CCT6A: variants seen among roughly 807,000 people sequenced by gnomAD.
CCT6A encodes the protein T-complex protein 1 subunit zeta.
Under a neutral mutation model 58.6 loss-of-function variants are expected in CCT6A, and 6 were observed. The ratio of observed to expected loss-of-function variants is 0.10; its 90% CI spans 0.06 to 0.20. CCT6A has a LOEUF of 0.20. Ranked by LOEUF, CCT6A falls within the 10% of genes least tolerant of loss-of-function variation. The pLI is 1.00. For synonymous variants in CCT6A, 245 were observed against 227.8 expected, an observed-to-expected ratio of 1.08 and a Z score of -0.68; for missense variants, 516 against 648.8, an observed-to-expected ratio of 0.80 and a Z score of 2.22.
intron 2 of CCT6A, 45 bp from the exon 3 acceptor site, chr7:56,054,324 C>G: frequency 6.5e-7 from 1 of 1,533,102 alleles, no homozygotes. Context: ...TATATTTAGA[C>G]TGCTTCATAT....
At chr7:56,052,983 A>G (rs1318298151) in intron 2 of CCT6A, among the ~76,000 whole-genome samples, 1 of 152,052 alleles carries the variant, frequency 6.6e-6, no homozygotes, top group Non-Finnish European at 1.5e-5. Context: ...TAGTAGAGAC[A>G]GGATTTCACC....
intron 13 of CCT6A, 92 bp from the exon 14 acceptor site, chr7:56,062,921 A>T: frequency 8.6e-7 from 1 of 1,159,058 alleles, no homozygotes; most frequent in East Asian, 2.3e-5. Flanking sequence ...ATTTAATTGG[A>T]TGTAATGTGT....
At position 56,061,806 on chromosome 7, in the gene CCT6A, A is replaced by G; in HGVS notation, c.1407A>G (p.Glu469=). ...LQETLVKIQA[E]HSESGQLVGV... is the part of the protein sequence containing the mutation. ...AAACATTAGTTAAAATTCAAGCAGAACATTCAGAATCAGGTCAGCTTGTGG... is the reference window on the plus strand; with the variant it reads ...AAACATTAGTTAAAATTCAAGCAGAGCATTCAGAATCAGGTCAGCTTGTGG... The change falls in exon 12 of 14, where the codon GAA becomes GAG. Residue 469 remains glutamate (E), a synonymous_variant. Transcript: ENST00000275603. 1 of 1,608,904 alleles carries G rather than the reference A, an allele frequency of 6.2e-7. No individual in the cohort carries two copies. The highest frequency in any genetic ancestry group is 8.5e-7 in the Non-Finnish European group (1 of 1,177,926).
chr7:56,054,326 G>A, intron 2 of CCT6A, 43 bp from the exon 3 acceptor site: 2 of 1,545,038 alleles, frequency 1.3e-6, no homozygotes, highest in Non-Finnish European at 8.9e-7. Context: ...TATTTAGACT[G>A]CTTCATATTG....
chr7:56,056,022 A>G (rs1488415656), intron 4 of CCT6A, among the ~76,000 whole-genome samples: 1 of 152,224 alleles, frequency 6.6e-6, no homozygotes, highest in Non-Finnish European at 1.5e-5. Context: ...AAAGGTTTAT[A>G]AAGTGGAGAT....
rs1156469312 is a variant in CCT6A at position 56,054,387 on chromosome 7, G to C, written c.220G>C (p.Ala74Pro). The change falls in exon 3 of 14, where the codon GCT (alanine) becomes CCT (proline). Residue 74 changes from alanine (A) to proline (P), a missense_variant. Around this residue, in one of 3 missense-constraint regions of CCT6A, gnomAD observed 116 missense variants for 184.5 expected, o/e 0.63. Coordinates refer to ENST00000275603, the MANE Select transcript of CCT6A (RefSeq NM_001762.4). ...CTTACAGCAAATTCAACACCCAACA[G>C]CTTCCTTAATAGCAAAGGTAGCAAC... Reference protein sequence around the residue: ...LHEMQIQHPTASLIAKVATAQ... With the variant: ...LHEMQIQHPTPSLIAKVATAQ... 1 of 1,607,632 alleles carries C rather than the reference G, an allele frequency of 6.2e-7. No homozygotes were observed. The highest frequency in any genetic ancestry group is 8.5e-7 in the Non-Finnish European group (1 of 1,175,836).
Position 56,058,091 on chromosome 7 carries a change from A to G in CCT6A, c.713A>G (p.Glu238Gly), listed in dbSNP as rs750045709. Reference sequence around the variant, plus strand: ...ATCCTCACTTGTAACGTGTCATTAGAGTATGAGAAAACGTAAGTTTATAGC... The same window carrying G: ...ATCCTCACTTGTAACGTGTCATTAGGGTATGAGAAAACGTAAGTTTATAGC... ...AYILTCNVSL[E>G]YEKTEVNSGF... The change falls in exon 6 of 14, where the codon GAG (glutamate) becomes GGG (glycine). Residue 238 changes from glutamate (E) to glycine (G), a missense_variant. Transcript: ENST00000275603. 6.3e-7 allele frequency: 1 copy of G among 1,579,160 alleles called. No individual in the cohort carries two copies. Among genetic ancestry groups the G allele is most frequent in the Non-Finnish European group, 8.7e-7 (1 of 1,148,436 alleles).
chr7:56,059,282 T>C (rs1794381233), intron 8 of CCT6A, among the ~76,000 whole-genome samples: 1 of 152,168 alleles, frequency 6.6e-6, no homozygotes, highest in South Asian at 2.1e-4. Context: ...ATTACAGGTG[T>C]GAGCCACCAT....
At position 56,053,073 on chromosome 7, in the gene CCT6A, G is replaced by GC. The variant is rs571688019; in HGVS notation, c.201+591dup. 1.9e-3 allele frequency among the ~76,000 whole-genome samples: 296 copies of GC among 152,222 alleles called. 1 individual carries two copies. The highest frequency in any genetic ancestry group is 6.2e-3 in the African/African-American group (256 of 41,548). The stretch of plus-strand genomic sequence containing the variant: ...CCTCCCAAAGTGCTGGGATTACCAG[G>GC]CCCGTGCCCAGCTGGGTTTTCTCTT... On this transcript the variant is annotated intron_variant, in intron 2 of 13. Coordinates refer to ENST00000275603, the MANE Select transcript of CCT6A (RefSeq NM_001762.4).
Position 56,063,399 on chromosome 7 carries a change from A to T in CCT6A, c.*314A>T. ...CCTTGTTATTAAATATTTCTTGAAA[A>T]GCAAATTTTAATGGTTTAATTTTAT... is the stretch of plus-strand genomic sequence containing the variant. On this transcript the variant is annotated 3_prime_UTR_variant, in exon 14 of 14. Coordinates refer to ENST00000275603, the MANE Select transcript of CCT6A (RefSeq NM_001762.4). 6.8e-6 allele frequency: 2 copies of T among 292,312 alleles called. No homozygotes were observed. The highest frequency in any genetic ancestry group is 1.3e-5 in the Non-Finnish European group (2 of 155,524). The allele number at this position is 292,312 out of a possible 1,614,324, so 18.1% of individuals were successfully genotyped here. A position where few individuals can be genotyped will look rare whatever the true frequency, so the allele number is the denominator to read the frequency against.
At position 56,058,342 on chromosome 7, in the gene CCT6A, ACT is replaced by A; in HGVS notation, c.726-19_726-18del. 1.3e-6 allele frequency: 2 copies of A among 1,524,072 alleles called. No individual in the cohort carries two copies. The highest frequency in any genetic ancestry group is 4.5e-5 in the East Asian group (2 of 44,374). The allele number at this position is 1,524,072 out of a possible 1,614,324, so 94.4% of individuals were successfully genotyped here. On this transcript the variant is annotated intron_variant, in intron 6 of 13. Coordinates refer to ENST00000275603, the MANE Select transcript of CCT6A (RefSeq NM_001762.4). ...TCTTAATGTTTCCCTGCTTTCTGTA[ACT>A]TTTTTTTTTCTTAATAGAGAAGTGA...
In CCT6A at chr7:56,051,928, C is replaced by G; in HGVS notation, c.80C>G (p.Ala27Gly). 6.5e-7 allele frequency: 1 copy of G among 1,549,036 alleles called. No individual in the cohort carries two copies. The highest frequency in any genetic ancestry group is 8.7e-7 in the Non-Finnish European group (1 of 1,146,146). ...GCGCTGGCGGTCAACATCAGCGCAGCGCGGGGTCTGCAGGACGTGCTAAGG... is the reference window on the plus strand; with the variant it reads ...GCGCTGGCGGTCAACATCAGCGCAGGGCGGGGTCTGCAGGACGTGCTAAGG... ...QAALAVNISA[A>G]RGLQDVLRTN... Residue 27 changes from alanine (A) to glycine (G), a missense_variant, in exon 1 of 14, where the codon GCG becomes GGG. This residue lies in a region of CCT6A where 116 missense variants were observed against 184.5 expected (regional missense o/e 0.63). Coordinates refer to ENST00000275603, the MANE Select transcript of CCT6A (RefSeq NM_001762.4).
chr7:56,058,225 A>G (rs1015275838), intron 6 of CCT6A, 122 bp downstream of exon 6: 11 of 863,818 alleles, frequency 1.3e-5, no homozygotes, highest in Non-Finnish European at 1.8e-5. Flanking sequence ...TGGGGGAGCT[A>G]TAGGAAACAG....
At position 56,054,452 on chromosome 7, in the gene CCT6A, T is replaced by C. The variant is rs1319676648; in HGVS notation, c.285T>C (p.Asn95=). 1.9e-6 allele frequency: 3 copies of C among 1,613,638 alleles called. No homozygotes were observed. The South Asian group carries it at 3.3e-5, about 18-fold the overall frequency. Residue 95 remains asparagine (N), a synonymous_variant, in exon 3 of 14, where the codon AAT becomes AAC. Transcript: ENST00000275603. ...DDITGDGTTS[N]VLIIGELLKQ... ...TAACTGGTGATGGTACGACTTCTAA[T>C]GTCCTAATCATTGGAGAGCTGCTGA...
chr7:56,061,839 C>A lies in CCT6A; in HGVS notation c.1440C>A (p.Asp480Glu). Residue 480 changes from aspartate (D) to glutamate (E), a missense_variant, in exon 12 of 14, where the codon GAC becomes GAA. By Grantham distance (45) the Asp-to-Glu change is conservative. Transcript: ENST00000275603. ...AATCAGGTCAGCTTGTGGGTGTGGA[C>A]CTGAACACAGGTAAGAGAATGCAAC... ...HSESGQLVGV[D>E]LNTGEPMVAA... 1.3e-6 allele frequency: 2 copies of A among 1,581,980 alleles called. No homozygotes were observed. The highest frequency in any genetic ancestry group is 8.6e-7 in the Non-Finnish European group (1 of 1,157,796).
At chr7:56,061,668 CTTT>C (rs71015174) in intron 11 of CCT6A, 76 bp from the exon 12 acceptor site, 16,109 of 311,096 alleles carry the variant, frequency 0.052, 530 homozygotes, top group East Asian at 0.12. Context: ...TTTCTTTTTT[CTTT>C]TTTTTTTTTT....
intron 8 of CCT6A, 59 bp from the exon 9 acceptor site, chr7:56,059,485 T>G: frequency 1.2e-6 from 1 of 863,474 alleles, no homozygotes; most frequent in Admixed American, 1.8e-5. Context: ...ATTACTGGTC[T>G]TATCTTTGAA....
rs1053403915 is a variant in CCT6A at position 56,059,621 on chromosome 7, T to A, written c.1046T>A (p.Leu349His). Residue 349 changes from leucine to histidine, a missense_variant, in exon 9 of 14, where the codon CTT (leucine) becomes CAT (histidine). By Grantham distance (99) the Leu-to-His change is moderately conservative (BLOSUM62 -3). Transcript: ENST00000275603. ...CCTGACTGCTTGGGACATGCAGGAC[T>A]TGTATATGAGTATACATTGGTAAGT... ...LSPDCLGHAG[L>H]VYEYTLGEEK... The A allele has an allele frequency of 6.5e-7, 1 of 1,540,744 alleles. No individual in the cohort carries two copies. Among genetic ancestry groups the A allele is most frequent in the Non-Finnish European group, 9.0e-7 (1 of 1,113,052 alleles).
At chr7:56,052,561 T>C (rs1217207745) in intron 2 of CCT6A, 76 bp downstream of exon 2, 6 of 1,257,154 alleles carry the variant, frequency 4.8e-6, no homozygotes, top group Non-Finnish European at 7.0e-6. Context: ...AGATTTGCAG[T>C]GTCCATTTTC....
Sources: allele counts gnomAD v4.1 joint callset (sites outside exome capture counted in the v4.1 genomes callset), GRCh38; gene constraint gnomAD v4.1.1; regional missense constraint gnomAD v4.1.1; transcripts MANE v1.5; gene names NCBI Gene and HGNC (gene_info 2026-07-23, HGNC 2026-07-21).